The following TMEM63C variants were observed in gnomAD, a reference collection of about 807,000 sequenced individuals.
TMEM63C encodes the protein osmosensitive cation channel TMEM63C.
TMEM63C carries 32 observed loss-of-function variants against 99.2 expected under a neutral mutation model. The ratio of observed to expected loss-of-function variants is 0.32; its 90% confidence interval spans 0.24 to 0.43. The LOEUF (loss-of-function observed/expected upper bound fraction) is 0.43, where lower values mean the gene tolerates loss of function less well. TMEM63C is among the 20% of genes least tolerant of loss of function. The pLI is 1.00. For synonymous variants in TMEM63C, 376 were observed against 397.9 expected, an observed-to-expected ratio of 0.94 and a Z score of 0.66; for missense variants, 826 against 1,053.0, an observed-to-expected ratio of 0.78 and a Z score of 2.98.
At chr14:77,242,001 T>C (rs1217903227) in intron 13 of TMEM63C, among the ~76,000 whole-genome samples, 1 of 152,230 alleles carries the variant, frequency 6.6e-6, no homozygotes, top group Non-Finnish European at 1.5e-5. Context: ...GATATTAAGA[T>C]GAGGCTAAAA....
At chr14:77,209,601 T>C (rs1214611589) in intron 1 of TMEM63C, among the ~76,000 whole-genome samples, 2 of 152,156 alleles carry the variant, frequency 1.3e-5, no homozygotes, top group African/African-American at 4.8e-5. Flanking sequence ...AGGCAGTGGT[T>C]GCAAGGCCAG....
intron 10 of TMEM63C, among the ~76,000 whole-genome samples, chr14:77,239,047 T>C (rs989110353): frequency 2.0e-5 from 3 of 152,218 alleles, no homozygotes; most frequent in African/African-American, 7.2e-5. Context: ...ACAGGGAACC[T>C]TGGATCACAG....
At chr14:77,234,810 G>A (rs1242600281) in intron 8 of TMEM63C, among the ~76,000 whole-genome samples, 2 of 152,190 alleles carry the variant, frequency 1.3e-5, no homozygotes, top group East Asian at 1.9e-4. Context: ...CCCCAGGGGC[G>A]GTGCTGCAAA....
At chr14:77,254,232 G>A (rs1168213428) in intron 23 of TMEM63C, among the ~76,000 whole-genome samples, 2 of 152,206 alleles carry the variant, frequency 1.3e-5, no homozygotes, top group Non-Finnish European at 2.9e-5. Context: ...TTTTCGGCAC[G>A]GTGGAAATGC....
intron 1 of TMEM63C, among the ~76,000 whole-genome samples, chr14:77,184,487 C>A (rs1308943846): frequency 1.3e-5 from 2 of 152,138 alleles, no homozygotes; most frequent in Non-Finnish European, 2.9e-5. Flanking sequence ...GGTGGAAGAA[C>A]CATAAAGATA....
At chr14:77,241,099 T>C (rs374404395) in intron 13 of TMEM63C, among the ~76,000 whole-genome samples, 14 of 151,958 alleles carry the variant, frequency 9.2e-5, no homozygotes, top group African/African-American at 2.9e-4. Flanking sequence ...TACAGGTGCC[T>C]GCCACCATGC....
chr14:77,190,108 T>C (rs916377883), intron 1 of TMEM63C, among the ~76,000 whole-genome samples: 36 of 111,390 alleles, frequency 3.2e-4, no homozygotes, highest in African/African-American at 1.4e-3. Flanking sequence ...ACAGAGAAAA[T>C]AGAATTATGA....
intron 1 of TMEM63C, among the ~76,000 whole-genome samples, chr14:77,184,236 C>A (rs1887959527): frequency 6.6e-6 from 1 of 152,104 alleles, no homozygotes; most frequent in African/African-American, 2.4e-5. Flanking sequence ...GGGCATCCTT[C>A]TAGGCTGGGA....
In TMEM63C at chr14:77,239,734, G is replaced by T. The variant is rs765015059; in HGVS notation, c.930+8G>T. 2.5e-6 allele frequency: 4 copies of T among 1,612,496 alleles called. No homozygotes were observed. The highest frequency in any genetic ancestry group is 1.3e-5 in the African/African-American group (1 of 75,044). The stretch of plus-strand genomic sequence containing the variant: ...TGGACCTGCTTCAAGGAGGTAACTG[G>T]CTTGAGCGTTGGGAGCACAGCAAGG... On this transcript the variant is annotated splice_region_variant and intron_variant, in intron 12 of 23. Transcript: ENST00000298351.
chr14:77,240,432 C>CT, intron 12 of TMEM63C, 43 bp from the exon 13 acceptor site: 1 of 1,577,510 alleles, frequency 6.3e-7, no homozygotes, highest in Non-Finnish European at 8.6e-7. Context: ...GGAGGCCTTC[C>CT]TGGGGCTCTG....
intron 1 of TMEM63C, among the ~76,000 whole-genome samples, chr14:77,190,786 G>A (rs1335930704): frequency 6.6e-6 from 1 of 152,164 alleles, no homozygotes; most frequent in African/African-American, 2.4e-5. Context: ...ATGATTTTGT[G>A]TATGCCTATG....
chr14:77,225,402 A>G (rs753876738), intron 5 of TMEM63C, 22 bp from the exon 6 acceptor site: 1 of 1,611,754 alleles, frequency 6.2e-7, no homozygotes, highest in Non-Finnish European at 8.5e-7. Context: ...GTTTTCTCAC[A>G]GTTTCTCTCC....
At chr14:77,244,537 T>G in intron 16 of TMEM63C, 82 bp downstream of exon 16, 1 of 1,085,218 alleles carries the variant, frequency 9.2e-7, no homozygotes, top group Non-Finnish European at 1.4e-6. Flanking sequence ...GCCTGGCACT[T>G]GGGCCTCCCC....
intron 8 of TMEM63C, among the ~76,000 whole-genome samples, chr14:77,235,470 T>G (rs1485353635): frequency 7.2e-4 from 1 of 1,398 alleles, no homozygotes. Context: ...CTGGGGAGAC[T>G]GTGGTGGGTG....
chr14:77,242,942 C>T lies in TMEM63C; in HGVS notation c.1227C>T (p.Arg409=), dbSNP rs1372050535. The part of the protein sequence containing the change: ...LSVRRFFWWA[R]FIAINTFLFF... Reference sequence around the variant, plus strand: ...TCCGCCGCTTCTTTTGGTGGGCCCGCTTTATCGCAATCAACACCTTCCTCT... The same window carrying T: ...TCCGCCGCTTCTTTTGGTGGGCCCGTTTTATCGCAATCAACACCTTCCTCT... Residue 409 remains arginine (R), a synonymous_variant, in exon 15 of 24, where the codon CGC becomes CGT. Coordinates refer to ENST00000298351, the MANE Select transcript of TMEM63C (RefSeq NM_020431.4). 1.2e-6 allele frequency: 2 copies of T among 1,614,024 alleles called. No individual in the cohort carries two copies. Among genetic ancestry groups the T allele is most frequent in the Non-Finnish European group, 1.7e-6 (2 of 1,179,892 alleles).
chr14:77,199,119 C>T (rs1393079436), intron 1 of TMEM63C, among the ~76,000 whole-genome samples: 2 of 152,084 alleles, frequency 1.3e-5, no homozygotes, highest in South Asian at 2.1e-4. Context: ...TCAGGGGTGC[C>T]GGAGGAGCTG....
intron 8 of TMEM63C, among the ~76,000 whole-genome samples, chr14:77,234,421 A>ATTGCT (rs1889000230): frequency 6.6e-6 from 1 of 152,206 alleles, no homozygotes; most frequent in African/African-American, 2.4e-5. Flanking sequence ...CTCCTTCCCG[A>ATTGCT]GGCCCATTGC....
intron 1 of TMEM63C, among the ~76,000 whole-genome samples, chr14:77,197,667 A>T (rs1888234746): frequency 6.6e-6 from 1 of 152,254 alleles, no homozygotes; most frequent in Non-Finnish European, 1.5e-5. Context: ...CTGCCTGATC[A>T]ACCTCCCTAA....
At chr14:77,194,758 T>G (rs1412753552) in intron 1 of TMEM63C, among the ~76,000 whole-genome samples, 1 of 151,414 alleles carries the variant, frequency 6.6e-6, no homozygotes, top group African/African-American at 2.4e-5. Flanking sequence ...TTTTTTGTAC[T>G]TTTTGTGGAA....
Sources: gnomAD v4.1 joint callset for allele counts (sites outside exome capture counted in the v4.1 genomes callset) on GRCh38, gnomAD v4.1.1 for gene constraint, MANE v1.5 for transcripts, NCBI Gene and HGNC (gene_info 2026-07-23, HGNC 2026-07-21) for gene names.